POM121C: variants seen among roughly 807,000 people sequenced by gnomAD.
POM121C encodes POM121 transmembrane nucleoporin C.
Under a neutral mutation model 66.4 loss-of-function variants are expected in POM121C, and 20 were observed. The observed-to-expected ratio is 0.30, with a 90% CI of 0.21 to 0.44. The LOEUF is 0.44. Ranked by LOEUF, POM121C falls within the 20% of genes least tolerant of loss-of-function variation. The probability of loss-of-function intolerance (pLI) is 1.00; values close to 1 mark genes in which losing one functional copy is unlikely to be tolerated. For synonymous variants in POM121C, 286 were observed against 528.0 expected (o/e 0.54, Z 6.28); for missense variants, 580 against 1,225.7 (o/e 0.47, Z 7.87).
At chr7:75,484,119 A>T in intron 1 of POM121C, 1 of 1,478,958 alleles carries the variant, frequency 6.8e-7, no homozygotes, top group Non-Finnish European at 9.3e-7. Flanking sequence ...AGAAAAAAAA[A>T]AGTATGAATC....
intron 3 of POM121C, chr7:75,442,156 C>G (rs1207455434): frequency 2.9e-5 from 39 of 1,354,054 alleles, no homozygotes; most frequent in Non-Finnish European, 3.5e-5. Flanking sequence ...GTGGGGAAGG[C>G]CTCCCGGAGG....
intron 6 of POM121C, among the ~76,000 whole-genome samples, chr7:75,438,522 C>G (rs1584669844): frequency 6.6e-6 from 1 of 152,214 alleles, no homozygotes; most frequent in Non-Finnish European, 1.5e-5. Flanking sequence ...TTAACATCTT[C>G]GTTGCTTCAC....
chr7:75,474,651 T>A (rs1442887683), intron 3 of POM121C, 53 bp downstream of exon 3: 2 of 758,850 alleles, frequency 2.6e-6, no homozygotes, highest in Non-Finnish European at 4.4e-6. Flanking sequence ...CTTTAGTCAC[T>A]CCCAAAGGTC....
intron 3 of POM121C, among the ~76,000 whole-genome samples, chr7:75,449,730 G>A (rs1289361247): frequency 6.6e-6 from 1 of 152,144 alleles, no homozygotes; most frequent in South Asian, 2.1e-4. Context: ...GAAATGCCAG[G>A]GATGGCCAGG....
chr7:75,421,987 C>A lies in POM121C; in HGVS notation c.2265G>T (p.Val755=). The change falls in exon 13 of 15, where the codon GTG becomes GTT. Residue 755 remains valine (V), a synonymous_variant. Coordinates refer to ENST00000615331, the MANE Select transcript of POM121C (RefSeq NM_001099415.3). ...GGATGGGCGTAGGCACGTGCGCAGG[C>A]ACGATCTTGATCGTGGACGCAGGTG... ...TPAPASTIKI[V]PAHVPTPIQP... 1 of 1,613,918 alleles carries A rather than the reference C, an allele frequency of 6.2e-7. No homozygotes were observed. The highest frequency in any genetic ancestry group is 8.5e-7 in the Non-Finnish European group (1 of 1,179,880).
At chr7:75,419,601 G>C (rs1177149553) in intron 13 of POM121C, 159 bp from the exon 14 acceptor site, 1 of 814,442 alleles carries the variant, frequency 1.2e-6, no homozygotes, top group Admixed American at 3.2e-5. Flanking sequence ...CCAGACAACC[G>C]AGTCTTCATG....
intron 1 of POM121C, chr7:75,484,377 T>A (rs1378275449): frequency 5.0e-6 from 3 of 600,168 alleles, no homozygotes; most frequent in Non-Finnish European, 9.0e-6. Flanking sequence ...ACACTCAACC[T>A]GCAAACACTC....
intron 3 of POM121C, among the ~76,000 whole-genome samples, chr7:75,470,146 A>C (rs55633770): frequency 0.74 from 101,056 of 136,474 alleles, 37,756 homozygotes; most frequent in East Asian, 0.96. Flanking sequence ...GAACTCCTGA[A>C]CTCGGCCTCC....
chr7:75,419,563 C>G, intron 13 of POM121C, 121 bp from the exon 14 acceptor site: 1 of 1,159,980 alleles, frequency 8.6e-7, no homozygotes, highest in Non-Finnish European at 1.2e-6. Context: ...ACTTCTGCTT[C>G]TGGGGCACTC....
chr7:75,449,588 G>T (rs1207716606), intron 3 of POM121C, among the ~76,000 whole-genome samples: 1 of 152,022 alleles, frequency 6.6e-6, no homozygotes, highest in Admixed American at 6.6e-5. Flanking sequence ...GGATGGTCTC[G>T]ATCTCCTGAC....
Position 75,436,006 on chromosome 7 carries a change from G to A in POM121C, c.480+1509C>T, listed in dbSNP as rs782368857. Among the ~76,000 whole-genome samples the A allele has an allele frequency of 3.3e-5, 5 of 150,710 alleles. No individual in the cohort carries two copies. The South Asian group carries it at 8.3e-4, about 25-fold the overall frequency. On this transcript the variant is annotated intron_variant, in intron 7 of 14. Coordinates refer to ENST00000615331, the MANE Select transcript of POM121C (RefSeq NM_001099415.3). ...GCAGAGATTGCAGTGAGCCAAGGTCGCACCACTGCGCTCCAGCGTGGGGAA... is the reference window on the plus strand; with the variant it reads ...GCAGAGATTGCAGTGAGCCAAGGTCACACCACTGCGCTCCAGCGTGGGGAA...
intron 3 of POM121C, chr7:75,442,317 G>C (rs1790684456): frequency 1.4e-6 from 2 of 1,426,692 alleles, no homozygotes; most frequent in Admixed American, 3.2e-5. Context: ...GGGGCGGGCT[G>C]CGGCGGCCCG....
chr7:75,462,974 C>G (rs1323943512), intron 3 of POM121C, among the ~76,000 whole-genome samples: 1 of 152,070 alleles, frequency 6.6e-6, no homozygotes, highest in African/African-American at 2.4e-5. Flanking sequence ...GAGCTTTCAT[C>G]TGTGGCTCCT....
intron 3 of POM121C, among the ~76,000 whole-genome samples, chr7:75,449,962 CG>C (rs1790965881): frequency 6.6e-6 from 1 of 152,036 alleles, no homozygotes; most frequent in South Asian, 2.1e-4. Flanking sequence ...TTGAGTGAGC[CG>C]AGATCGTGCC....
At chr7:75,440,320 C>T (rs1401170676) in intron 5 of POM121C, among the ~76,000 whole-genome samples, 3 of 151,732 alleles carry the variant, frequency 2.0e-5, no homozygotes, top group Non-Finnish European at 4.4e-5. Context: ...GTAATCCCAG[C>T]ACTTTGGGAG....
intron 7 of POM121C, among the ~76,000 whole-genome samples, chr7:75,428,430 G>A (rs1481936279): frequency 2.6e-5 from 4 of 152,118 alleles, no homozygotes; most frequent in East Asian, 3.9e-4. Context: ...GAGCCACCAC[G>A]CTTAGCCACC....
chr7:75,424,500 A>G (rs782383543), intron 11 of POM121C, 26 bp downstream of exon 11: 3 of 1,610,802 alleles, frequency 1.9e-6, no homozygotes, highest in Non-Finnish European at 2.5e-6. Context: ...AAACCTCTCG[A>G]GAGTGCAACG....
intron 10 of POM121C, 81 bp from the exon 11 acceptor site, chr7:75,424,709 A>T (rs1315390825): frequency 6.4e-7 from 1 of 1,564,070 alleles, no homozygotes; most frequent in African/African-American, 1.4e-5. Context: ...CGGTAATCTC[A>T]GCACTCTGGG....
At chr7:75,477,279 ATAAC>A (rs1431432360) in intron 1 of POM121C, among the ~76,000 whole-genome samples, 2 of 152,198 alleles carry the variant, frequency 1.3e-5, no homozygotes, top group Non-Finnish European at 2.9e-5. Flanking sequence ...TTAGAGGAAT[ATAAC>A]TAAGAAAAAG....
Sources: gnomAD v4.1 joint callset for allele counts (sites outside exome capture counted in the v4.1 genomes callset) on GRCh38, gnomAD v4.1.1 for gene constraint, MANE v1.5 for transcripts, NCBI Gene and HGNC (gene_info 2026-07-23, HGNC 2026-07-21) for gene names.